The following DCC variants were observed in gnomAD, a reference collection of about 807,000 sequenced individuals.
The protein encoded by DCC is DCC netrin 1 receptor.
A neutral mutation model predicts 172.5 loss-of-function variants in DCC; 58 were observed. That is an observed-to-expected ratio of 0.34 (90% CI 0.27 to 0.42). The LOEUF is 0.42. Among genes scored for constraint, DCC ranks in the 10% least tolerant of loss-of-function variants. DCC has a pLI of 1.00. For missense variants in DCC, 1,740 were observed against 1,791.0 expected (o/e 0.97, Z 0.51); for synonymous variants, 709 against 644.5 (o/e 1.10, Z -1.52).
At chr18:53,161,197 AT>A (rs1208586692) in intron 8 of DCC, among the ~76,000 whole-genome samples, 3 of 152,186 alleles carry the variant, frequency 2.0e-5, no homozygotes, top group Non-Finnish European at 4.4e-5. Flanking sequence ...TCCAATAATT[AT>A]TTTGTTCCTA....
chr18:52,383,192 T>C (rs1033574534), intron 1 of DCC, among the ~76,000 whole-genome samples: 1 of 152,114 alleles, frequency 6.6e-6, no homozygotes, highest in Admixed American at 6.6e-5. Context: ...AGGCTCAAGA[T>C]AGATATCAGC....
intron 12 of DCC, among the ~76,000 whole-genome samples, chr18:53,241,917 A>G (rs935354178): frequency 6.6e-6 from 1 of 152,176 alleles, no homozygotes; most frequent in Non-Finnish European, 1.5e-5. Flanking sequence ...ATCTCCAGTA[A>G]TAGTATTCAA....
intron 3 of DCC, among the ~76,000 whole-genome samples, chr18:52,914,078 A>T (rs553755746): frequency 6.6e-6 from 1 of 152,220 alleles, no homozygotes; most frequent in South Asian, 2.1e-4. Context: ...TTTTCTGGAA[A>T]GTTTTTAATG....
At chr18:52,595,067 G>T (rs1042203019) in intron 1 of DCC, among the ~76,000 whole-genome samples, 5 of 152,166 alleles carry the variant, frequency 3.3e-5, no homozygotes, top group Non-Finnish European at 2.9e-5. Context: ...GCTATGGAAT[G>T]TATCACTTCC....
chr18:53,414,293 T>C (rs1448063114), intron 20 of DCC, among the ~76,000 whole-genome samples: 1 of 152,112 alleles, frequency 6.6e-6, no homozygotes, highest in East Asian at 1.9e-4. Flanking sequence ...ATAAATAATA[T>C]AACTGTATTA....
At chr18:52,862,870 A>G (rs1247025244) in intron 2 of DCC, among the ~76,000 whole-genome samples, 1 of 152,140 alleles carries the variant, frequency 6.6e-6, no homozygotes, top group Non-Finnish European at 1.5e-5. Context: ...TCTTTAGTTT[A>G]CTTAAAAGAT....
chr18:52,451,604 G>A (rs1309847601), intron 1 of DCC, among the ~76,000 whole-genome samples: 3 of 152,158 alleles, frequency 2.0e-5, no homozygotes, highest in East Asian at 1.9e-4. Context: ...AGTGGTGCTG[G>A]TGTTTTATTT....
chr18:53,312,232 T>C (rs2057280287), intron 13 of DCC, among the ~76,000 whole-genome samples: 1 of 146,334 alleles, frequency 6.8e-6, no homozygotes, highest in African/African-American at 2.5e-5. Context: ...TCCCGGCTAC[T>C]CAGGAGGCTG....
intron 5 of DCC, among the ~76,000 whole-genome samples, chr18:52,947,061 T>C (rs1258991200): frequency 6.6e-6 from 1 of 152,046 alleles, no homozygotes; most frequent in Non-Finnish European, 1.5e-5. Context: ...TCTAAAACAC[T>C]CCTCTGAGTG....
At chr18:53,434,626 C>A (rs144080541) in intron 21 of DCC, among the ~76,000 whole-genome samples, 2,488 of 152,246 alleles carry the variant, frequency 0.016, 81 homozygotes, top group African/African-American at 0.058. Context: ...ACTCTTACTT[C>A]CAATGTGGAA....
At chr18:53,022,541 G>T (rs62097946) in intron 5 of DCC, among the ~76,000 whole-genome samples, 2 of 104,368 alleles carry the variant, frequency 1.9e-5, no homozygotes, top group Admixed American at 1.1e-4. Flanking sequence ...ATATATATAT[G>T]TGCGTGTGTG....
chr18:53,317,154 G>A (rs2057353093), intron 13 of DCC, among the ~76,000 whole-genome samples: 1 of 152,192 alleles, frequency 6.6e-6, no homozygotes, highest in Admixed American at 6.5e-5. Context: ...TTAGCATGAA[G>A]AGGTGTTGGA....
chr18:52,920,276 A>T, intron 3 of DCC, among the ~76,000 whole-genome samples: 1 of 152,070 alleles, frequency 6.6e-6, no homozygotes, highest in East Asian at 1.9e-4. Flanking sequence ...GTAAAAAACA[A>T]CCCACAGATT....
At chr18:52,652,802 T>C (rs2035167470) in intron 1 of DCC, among the ~76,000 whole-genome samples, 1 of 150,778 alleles carries the variant, frequency 6.6e-6, no homozygotes, top group South Asian at 2.1e-4. Flanking sequence ...AAAATCCTCA[T>C]CAGTTTCTTT....
intron 1 of DCC, among the ~76,000 whole-genome samples, chr18:52,594,365 A>G (rs976265591): frequency 2.6e-5 from 4 of 152,202 alleles, no homozygotes; most frequent in African/African-American, 9.6e-5. Flanking sequence ...CAAGCCCAGT[A>G]TCCCTGAGTC....
At chr18:52,653,540 A>G (rs753341529) in intron 1 of DCC, among the ~76,000 whole-genome samples, 4 of 152,204 alleles carry the variant, frequency 2.6e-5, no homozygotes, top group African/African-American at 4.8e-5. Context: ...GATAAATGCT[A>G]TAATTGAGGT....
intron 1 of DCC, among the ~76,000 whole-genome samples, chr18:52,698,920 C>A (rs1402980074): frequency 6.6e-6 from 1 of 151,978 alleles, no homozygotes; most frequent in East Asian, 1.9e-4. Context: ...AGATGAGAGT[C>A]TTAAAAAGGA....
At chr18:52,876,736 A>C (rs1292612453) in intron 2 of DCC, among the ~76,000 whole-genome samples, 23 of 152,164 alleles carry the variant, frequency 1.5e-4, no homozygotes, top group Admixed American at 1.5e-3. Context: ...GAGGTCTGAG[A>C]GTCAAAAACA....
intron 2 of DCC, among the ~76,000 whole-genome samples, chr18:52,874,404 C>T (rs1291237087): frequency 6.6e-6 from 1 of 152,000 alleles, no homozygotes; most frequent in African/African-American, 2.4e-5. Flanking sequence ...TCAAAATTGA[C>T]CATTGCCAAT....
Sources: gnomAD v4.1 joint callset for allele counts (sites outside exome capture counted in the v4.1 genomes callset) on GRCh38, gnomAD v4.1.1 for gene constraint, MANE v1.5 for transcripts, NCBI Gene and HGNC (gene_info 2026-07-23, HGNC 2026-07-21) for gene names.